Variants in TCEANC2 observed in about 807,000 individuals in gnomAD.
TCEANC2 encodes the protein transcription elongation factor A N-terminal and central domain containing 2.
Under a neutral mutation model 22.8 loss-of-function variants are expected in TCEANC2, and 20 were observed. The observed-to-expected ratio is 0.88, with a 90% CI of 0.62 to 1.28. The LOEUF is 1.28. Among genes scored for constraint, TCEANC2 ranks in the 50% most tolerant of loss-of-function variants. TCEANC2 has a pLI of 0.00. For missense variants in TCEANC2, 251 were observed against 249.7 expected (o/e 1.01, Z -0.03); for synonymous variants, 84 against 95.5 (o/e 0.88, Z 0.70).
At position 54,099,083 on chromosome 1, in the gene TCEANC2, T is replaced by C. The variant is rs1658609135; in HGVS notation, c.*2610T>C. Reference sequence around the variant, plus strand: ...ATTTGAAGCAGGAACTGGTCACTTTTGTGTTAATAGGCTATGTGGAAGAGA... The same window carrying C: ...ATTTGAAGCAGGAACTGGTCACTTTCGTGTTAATAGGCTATGTGGAAGAGA... On this transcript the variant is annotated 3_prime_UTR_variant, in exon 5 of 5. Transcript: ENST00000234827. 1 of 152,246 alleles carries C rather than the reference T, an allele frequency of 6.6e-6. No individual in the cohort carries two copies. The highest frequency in any genetic ancestry group is 1.5e-5 in the Non-Finnish European group (1 of 68,068). 9.4% of individuals were successfully genotyped at this position (152,246 alleles called of 1,614,324 possible).
chr1:54,085,887 C>T (rs1008407540), intron 3 of TCEANC2, among the ~76,000 whole-genome samples: 1 of 151,992 alleles, frequency 6.6e-6, no homozygotes, highest in Non-Finnish European at 1.5e-5. Context: ...GCATATGTCA[C>T]CTCACCTGGC....
At position 54,104,589 on chromosome 1, in the gene TCEANC2, T is replaced by C. The variant is rs6699560; in HGVS notation, c.*8116T>C. On this transcript the variant is annotated 3_prime_UTR_variant, in exon 5 of 5. Transcript: ENST00000234827. ...GAGGTGGAGTCTCTGTCACCCAGGC[T>C]GGAGTGCAGTGGCACCATCTCGGCT... 0.018 allele frequency: 8,061 copies of C among 454,714 alleles called. 112 individuals are homozygous for C. Among genetic ancestry groups the C allele is most frequent in the Non-Finnish European group, 0.022 (4,966 of 225,818 alleles). 28.2% of individuals were successfully genotyped at this position (454,714 alleles called of 1,614,324 possible).
chr1:54,072,339 G>T (rs1658071743), intron 3 of TCEANC2, among the ~76,000 whole-genome samples: 1 of 151,326 alleles, frequency 6.6e-6, no homozygotes, highest in African/African-American at 2.4e-5. Flanking sequence ...TAGCCCATTT[G>T]TTCTTTATTT....
intron 4 of TCEANC2, among the ~76,000 whole-genome samples, chr1:54,092,365 T>C (rs555106589): frequency 3.7e-4 from 56 of 152,314 alleles, no homozygotes; most frequent in African/African-American, 1.3e-3. Context: ...CAGTTAAATC[T>C]GATGGGGGAA....
rs1447557873 is a variant in TCEANC2 at position 54,102,678 on chromosome 1, CATT to C, written c.*6206_*6208del. On this transcript the variant is annotated 3_prime_UTR_variant, in exon 5 of 5. Transcript: ENST00000234827. ...TTTGCACCAGTACCTGCCTGTTCCT[CATT>C]TCACACCTTTGGCTGCCTGGGGAGC... The C allele has an allele frequency of 1.3e-5, 2 of 152,308 alleles. No homozygotes were observed. The highest frequency in any genetic ancestry group is 3.8e-4 in the East Asian group (2 of 5,202). The allele number at this position is 152,308 out of a possible 1,614,324, so 9.4% of individuals were successfully genotyped here.
chr1:54,065,079 A>C (rs1183940692), intron 2 of TCEANC2, among the ~76,000 whole-genome samples: 2 of 152,170 alleles, frequency 1.3e-5, no homozygotes, highest in Non-Finnish European at 2.9e-5. Context: ...TCATGTTCAC[A>C]GAGATAAAGG....
intron 4 of TCEANC2, among the ~76,000 whole-genome samples, chr1:54,093,975 C>T (rs1338571402): frequency 6.6e-6 from 1 of 152,166 alleles, no homozygotes; most frequent in Non-Finnish European, 1.5e-5. Context: ...TTTCCAGCTT[C>T]CTAAAGTAGT....
chr1:54,096,736 C>A lies in TCEANC2; in HGVS notation c.*263C>A, dbSNP rs558500876. 26 of 1,180,904 alleles carry A rather than the reference C, an allele frequency of 2.2e-5. No homozygotes were observed. The South Asian group carries it at 6.0e-4, about 27-fold the overall frequency. The allele number at this position is 1,180,904 out of a possible 1,614,324, so 73.2% of individuals were successfully genotyped here. On this transcript the variant is annotated 3_prime_UTR_variant, in exon 5 of 5. Transcript: ENST00000234827. The surrounding 1 kb of genome is among the most constrained non-coding windows in gnomAD (Gnocchi z 4.9). ...GGAAGCGCCATACGGTTGCTATCACCCAACATGGTGAAAGGGTGATGGATT... is the reference window on the plus strand; with the variant it reads ...GGAAGCGCCATACGGTTGCTATCACACAACATGGTGAAAGGGTGATGGATT...
At chr1:54,069,435 C>T (rs910310912) in intron 3 of TCEANC2, among the ~76,000 whole-genome samples, 3 of 152,016 alleles carry the variant, frequency 2.0e-5, no homozygotes, top group African/African-American at 7.2e-5. Context: ...TGGCAAAACC[C>T]CGTCTCTACT....
chr1:54,058,945 G>A (rs1657801849), intron 2 of TCEANC2, among the ~76,000 whole-genome samples: 1 of 151,714 alleles, frequency 6.6e-6, no homozygotes, highest in Admixed American at 6.6e-5. Context: ...GTGAGCCACT[G>A]TGCCCAGCCT....
exon 5 of TCEANC2, chr1:54,111,853 G>A (rs1413346184): frequency 6.6e-6 from 1 of 152,262 alleles, no homozygotes; most frequent in Non-Finnish European, 1.5e-5. Context: ...TCTCTGGCAA[G>A]GCTGTCATGC....
At position 54,096,326 on chromosome 1, in the gene TCEANC2, T is replaced by C. The variant is rs765841302; in HGVS notation, c.480T>C (p.Phe160=). The C allele has an allele frequency of 1.2e-6, 2 of 1,603,440 alleles. No homozygotes were observed. Among genetic ancestry groups the C allele is most frequent in the Admixed American group, 3.3e-5 (2 of 59,828 alleles). Residue 160 remains phenylalanine (F), a synonymous_variant, in exon 5 of 5, where the codon TTT becomes TTC. Coordinates refer to ENST00000234827, the MANE Select transcript of TCEANC2 (RefSeq NM_153035.3). This position sits in a 1 kb window ranked among gnomAD's most constrained non-coding sequence, Gnocchi z 4.9. The part of the protein sequence containing the change: ...LLVENIERET[F]HLCSRLINGP... ...TTGAAAATATTGAACGGGAAACGTTTCATCTCTGCTCCCGCCTCATTAATG... is the reference window on the plus strand; with the variant it reads ...TTGAAAATATTGAACGGGAAACGTTCCATCTCTGCTCCCGCCTCATTAATG...
intron 3 of TCEANC2, 69 bp from the exon 4 acceptor site, chr1:54,088,528 C>T: frequency 7.7e-7 from 1 of 1,300,388 alleles, no homozygotes; most frequent in Non-Finnish European, 1.1e-6. Flanking sequence ...CACGTCAGTC[C>T]ATCTAGTCCT....
chr1:54,080,212 T>C (rs2100373158), intron 3 of TCEANC2, among the ~76,000 whole-genome samples: 1 of 151,830 alleles, frequency 6.6e-6, no homozygotes, highest in East Asian at 1.9e-4. Context: ...GGTGCGATCT[T>C]GGCGCACTGA....
At chr1:54,094,086 T>A (rs1004072334) in intron 4 of TCEANC2, among the ~76,000 whole-genome samples, 1 of 152,156 alleles carries the variant, frequency 6.6e-6, no homozygotes, top group Non-Finnish European at 1.5e-5. Flanking sequence ...CCAAGTCCAC[T>A]CACTCCAGCA....
At chr1:54,054,641 T>G (rs944920555) in intron 2 of TCEANC2, 117 bp downstream of exon 2, 6 of 1,014,994 alleles carry the variant, frequency 5.9e-6, no homozygotes, top group Non-Finnish European at 8.4e-6. Context: ...CTCCTCAAAG[T>G]GTACCTGACC....
In TCEANC2 at chr1:54,098,499, T is replaced by G. The variant is rs1446960072; in HGVS notation, c.*2026T>G. 1 of 152,284 alleles carries G rather than the reference T, an allele frequency of 6.6e-6. No individual in the cohort carries two copies. The highest frequency in any genetic ancestry group is 2.4e-5 in the African/African-American group (1 of 41,474). The allele number at this position is 152,284 out of a possible 1,614,324, so 9.4% of individuals were successfully genotyped here. A position where few individuals can be genotyped will look rare whatever the true frequency, so the allele number is the denominator to read the frequency against. On this transcript the variant is annotated 3_prime_UTR_variant, in exon 5 of 5. Transcript: ENST00000234827. ...CAATAGCACTCCCTCCCAACTATTC[T>G]TTAATGCTGTACCTAGCTTTATTTT...
intron 3 of TCEANC2, among the ~76,000 whole-genome samples, chr1:54,083,988 T>C (rs1570014660): frequency 6.6e-6 from 1 of 151,842 alleles, no homozygotes; most frequent in East Asian, 1.9e-4. Flanking sequence ...GGTTACTACA[T>C]GTAGAGCTAT....
At chr1:54,094,987 A>G (rs937936715) in intron 4 of TCEANC2, among the ~76,000 whole-genome samples, 1 of 151,952 alleles carries the variant, frequency 6.6e-6, no homozygotes, top group African/African-American at 2.4e-5. Flanking sequence ...TTTTTTTTTA[A>G]TTTTAATTAG....
Sources: allele counts gnomAD v4.1 joint callset (sites outside exome capture counted in the v4.1 genomes callset), GRCh38; gene constraint gnomAD v4.1.1; non-coding constraint Gnocchi (gnomAD v3.1); transcripts MANE v1.5; gene names NCBI Gene and HGNC (gene_info 2026-07-23, HGNC 2026-07-21).